CUBN: variants seen among roughly 807,000 people sequenced by gnomAD.
The protein encoded by CUBN is cubilin.
CUBN carries 282 observed loss-of-function variants against 405.3 expected under a neutral mutation model. The ratio of observed to expected loss-of-function variants is 0.70; its 90% CI spans 0.63 to 0.77. The LOEUF (loss-of-function observed/expected upper bound fraction) is 0.77. Ranked by LOEUF, CUBN falls within the 30% of genes least tolerant of loss-of-function variation. CUBN has a pLI of 0.00. For missense variants in CUBN, 4,514 were observed against 4,475.2 expected (o/e 1.01, Z -0.25); for synonymous variants, 1,684 against 1,617.0 (o/e 1.04, Z -0.99).
intron 31 of CUBN, among the ~76,000 whole-genome samples, chr10:16,970,794 G>A (rs61841473): frequency 0.22 from 33,426 of 151,864 alleles, 3,949 homozygotes; most frequent in African/African-American, 0.29. Context: ...CTGGATCTCA[G>A]TATCTTTTTT....
At chr10:16,873,704 A>T (rs1840422333) in intron 58 of CUBN, among the ~76,000 whole-genome samples, 1 of 149,742 alleles carries the variant, frequency 6.7e-6, no homozygotes, top group Non-Finnish European at 1.5e-5. Flanking sequence ...CCTGGGTGAC[A>T]AAGTGAGACC....
At chr10:16,945,277 TA>T (rs1842745126) in intron 36 of CUBN, among the ~76,000 whole-genome samples, 1 of 152,170 alleles carries the variant, frequency 6.6e-6, no homozygotes, top group Non-Finnish European at 1.5e-5. Flanking sequence ...GATTTTATTC[TA>T]AGGACAATGA....
At chr10:16,856,885 G>A (rs967252029) in intron 59 of CUBN, among the ~76,000 whole-genome samples, 7 of 152,060 alleles carry the variant, frequency 4.6e-5, no homozygotes, top group African/African-American at 1.7e-4. Flanking sequence ...TTTAAAGCTG[G>A]TGCCTTAGGG....
chr10:17,023,027 A>G (rs564793828), intron 27 of CUBN, among the ~76,000 whole-genome samples: 25 of 152,338 alleles, frequency 1.6e-4, no homozygotes, highest in African/African-American at 5.5e-4. Flanking sequence ...GGTCATGAAC[A>G]GCATAGCATT....
chr10:16,942,936 C>T (rs964094185), intron 36 of CUBN, among the ~76,000 whole-genome samples: 3 of 151,952 alleles, frequency 2.0e-5, no homozygotes, highest in African/African-American at 4.8e-5. Context: ...AAATGTACTT[C>T]TCTGTCATGT....
At chr10:17,039,154 C>T (rs11254339) in intron 27 of CUBN, among the ~76,000 whole-genome samples, 33,602 of 152,020 alleles carry the variant, frequency 0.22, 5,392 homozygotes, top group African/African-American at 0.44. Flanking sequence ...TTCTCCATTA[C>T]GCTTTACCAA....
Position 17,071,565 on chromosome 10 carries a change from G to A in CUBN, c.2486C>T (p.Ser829Leu), listed in dbSNP as rs386833773. The A allele has an allele frequency of 8.7e-6, 14 of 1,613,760 alleles. No homozygotes were observed. Among genetic ancestry groups the A allele is most frequent in the Non-Finnish European group, 1.2e-5 (14 of 1,179,856 alleles). ...DELTGEGVIR[S>L]PFFPNVYPGE... is the part of the protein sequence containing the mutation. ...AGGATACACGTTAGGAAAAAAAGGCGAGCGAATGACCCCTTCTCCAGTTAA... is the reference window on the plus strand; with the variant it reads ...AGGATACACGTTAGGAAAAAAAGGCAAGCGAATGACCCCTTCTCCAGTTAA... The change falls in exon 19 of 67, where the codon TCG (serine) becomes TTG (leucine). Residue 829 changes from serine to leucine, a missense_variant. Ser to Leu is a moderately radical substitution (Grantham distance 145). Coordinates refer to ENST00000377833, the MANE Select transcript of CUBN (RefSeq NM_001081.4).
Position 17,071,907 on chromosome 10 carries a change from G to T in CUBN, c.2366C>A (p.Ser789Tyr). The T allele has an allele frequency of 1.2e-6, 2 of 1,613,208 alleles. No homozygotes were observed. The highest frequency in any genetic ancestry group is 1.7e-6 in the Non-Finnish European group (2 of 1,179,576). The part of the protein sequence containing the change: ...CGNGTISHIK[S>Y]ITNSVWIRFK... ...CCTGATCCAGACACTATTAGTAATG[G>T]ATTTAATGTGAGAGATGGTTCCGTT... is the stretch of plus-strand genomic sequence containing the variant. The change falls in exon 18 of 67, where the codon TCC becomes TAC. Residue 789 changes from serine to tyrosine, a missense_variant. Physicochemically the swap from Ser to Tyr is moderately radical, Grantham distance 144 (BLOSUM62 -2). This residue lies in a region of CUBN where 1,448 missense variants were observed against 1,388.0 expected (regional missense o/e 1.04). Transcript: ENST00000377833.
chr10:16,840,849 A>G, intron 61 of CUBN, 36 bp downstream of exon 61: 1 of 1,549,028 alleles, frequency 6.5e-7, no homozygotes, highest in Non-Finnish European at 8.9e-7. Context: ...ATACATGTGT[A>G]TTTCATAACA....
chr10:16,954,295 G>T, intron 32 of CUBN, 94 bp downstream of exon 32: 1 of 1,396,622 alleles, frequency 7.2e-7, no homozygotes, highest in Non-Finnish European at 1.0e-6. Flanking sequence ...AGAAGGCTGT[G>T]ATCAATTTCT....
chr10:16,999,794 G>A (rs1340960913), intron 28 of CUBN, among the ~76,000 whole-genome samples: 1 of 151,994 alleles, frequency 6.6e-6, no homozygotes, highest in African/African-American at 2.4e-5. Context: ...CATTATTTTG[G>A]TACACAGGGC....
At chr10:16,907,718 A>C (rs373632266) in intron 48 of CUBN, 39 bp from the exon 49 acceptor site, 3 of 1,599,180 alleles carry the variant, frequency 1.9e-6, no homozygotes, top group South Asian at 2.2e-5. Flanking sequence ...CACACAATCC[A>C]TCTTACTGCA....
chr10:16,977,945 T>C (rs1178994734), intron 31 of CUBN, among the ~76,000 whole-genome samples: 1 of 152,248 alleles, frequency 6.6e-6, no homozygotes, highest in Non-Finnish European at 1.5e-5. Flanking sequence ...TGAAAAATTA[T>C]AGGTAGAAAT....
intron 41 of CUBN, among the ~76,000 whole-genome samples, chr10:16,927,201 C>T (rs559675219): frequency 2.0e-5 from 3 of 151,528 alleles, no homozygotes; most frequent in Admixed American, 6.6e-5. Flanking sequence ...TAATGAGTTG[C>T]GATACATAGT....
chr10:16,868,768 C>A (rs112771003), intron 59 of CUBN, among the ~76,000 whole-genome samples: 1 of 152,108 alleles, frequency 6.6e-6, no homozygotes, highest in Non-Finnish European at 1.5e-5. Context: ...ACTTTACCTA[C>A]CCCCGCTACA....
At chr10:17,073,733 A>G (rs987241971) in intron 17 of CUBN, among the ~76,000 whole-genome samples, 1 of 152,210 alleles carries the variant, frequency 6.6e-6, no homozygotes, top group African/African-American at 2.4e-5. Flanking sequence ...CGCGTGAGCC[A>G]CTGCGCCCGG....
intron 31 of CUBN, among the ~76,000 whole-genome samples, chr10:16,971,980 C>T (rs1008852685): frequency 1.3e-5 from 2 of 152,138 alleles, no homozygotes; most frequent in African/African-American, 4.8e-5. Flanking sequence ...CTGCTCCTTG[C>T]AGGTTATTAA....
chr10:17,052,496 C>T (rs1046469737), intron 22 of CUBN, among the ~76,000 whole-genome samples: 4 of 150,234 alleles, frequency 2.7e-5, no homozygotes, highest in African/African-American at 4.9e-5. Flanking sequence ...GTGGCTCATG[C>T]CTGCAATCCC....
At chr10:17,027,240 C>T (rs1834692570) in intron 27 of CUBN, among the ~76,000 whole-genome samples, 2 of 152,076 alleles carry the variant, frequency 1.3e-5, no homozygotes, top group African/African-American at 2.4e-5. Flanking sequence ...AGAACTGTTT[C>T]TAATGGTGAA....
Sources: allele counts gnomAD v4.1 joint callset (sites outside exome capture counted in the v4.1 genomes callset), GRCh38; gene constraint gnomAD v4.1.1; regional missense constraint gnomAD v4.1.1; transcripts MANE v1.5; gene names NCBI Gene and HGNC (gene_info 2026-07-23, HGNC 2026-07-21).